The following KATNIP variants were observed in gnomAD, a reference collection of about 807,000 sequenced individuals.
KATNIP encodes the protein katanin-interacting protein.
KATNIP carries 126 observed loss-of-function variants against 174.0 expected under a neutral mutation model. The observed-to-expected ratio is 0.72, with a 90% CI of 0.63 to 0.84. The LOEUF (loss-of-function observed/expected upper bound fraction) is 0.84. Ranked by LOEUF, KATNIP falls within the 40% of genes least tolerant of loss-of-function variation. The pLI is 0.00. For synonymous variants in KATNIP, 810 were observed against 835.7 expected (o/e 0.97, Z 0.53); for missense variants, 1,958 against 2,109.7 (o/e 0.93, Z 1.41).
intron 13 of KATNIP, among the ~76,000 whole-genome samples, chr16:27,721,325 G>A (rs1449940435): frequency 2.6e-5 from 4 of 152,150 alleles, no homozygotes; most frequent in African/African-American, 7.2e-5. Context: ...AGGGGTCCGT[G>A]TGGCAGCTTT....
intron 15 of KATNIP, among the ~76,000 whole-genome samples, chr16:27,743,355 A>G (rs2081175176): frequency 6.6e-6 from 1 of 152,062 alleles, no homozygotes; most frequent in Admixed American, 6.5e-5. Flanking sequence ...TAGCAGATAT[A>G]CCCCTGACAT....
chr16:27,588,879 T>A (rs2091002173), intron 2 of KATNIP, among the ~76,000 whole-genome samples: 2 of 4,248 alleles, frequency 4.7e-4, no homozygotes, highest in African/African-American at 1.3e-3. Context: ...AACTCTATTC[T>A]TTTTTTTTTT....
chr16:27,613,427 G>C (rs1254640835), intron 2 of KATNIP, among the ~76,000 whole-genome samples: 2 of 152,212 alleles, frequency 1.3e-5, no homozygotes, highest in Admixed American at 6.5e-5. Context: ...GCATTCCCTG[G>C]AGAGTTTGAG....
chr16:27,681,735 T>C (rs2078350603), intron 8 of KATNIP, among the ~76,000 whole-genome samples: 1 of 152,190 alleles, frequency 6.6e-6, no homozygotes, highest in African/African-American at 2.4e-5. Flanking sequence ...GGATAAGGAA[T>C]TGGCTCATGC....
At position 27,633,988 on chromosome 16, in the gene KATNIP, C is replaced by A. The variant is rs533231251; in HGVS notation, c.408+2826C>A. ...CACAGCCTGGAGGCCTCCTTTTGTC[C>A]CCTGCAATGAATATTAATTTGTTGC... is the stretch of plus-strand genomic sequence containing the variant. On this transcript the variant is annotated intron_variant, in intron 5 of 27. Transcript: ENST00000261588. Among the ~76,000 whole-genome samples, 4 of 152,292 alleles carry A rather than the reference C, an allele frequency of 2.6e-5. No homozygotes were observed. In the East Asian group the frequency reaches 7.7e-4, roughly 29 times the overall value.
chr16:27,712,843 T>C (rs1236310700), intron 13 of KATNIP, among the ~76,000 whole-genome samples: 2 of 152,162 alleles, frequency 1.3e-5, no homozygotes, highest in African/African-American at 4.8e-5. Context: ...TCTTGCTCTG[T>C]TGCCCAGGCT....
intron 3 of KATNIP, among the ~76,000 whole-genome samples, chr16:27,619,267 A>G (rs897653315): frequency 2.0e-5 from 3 of 152,196 alleles, no homozygotes; most frequent in African/African-American, 7.2e-5. Flanking sequence ...GTGAGACCAC[A>G]GTTCCCCCAG....
At chr16:27,628,926 G>A in intron 4 of KATNIP, 96 bp downstream of exon 4, 1 of 1,279,730 alleles carries the variant, frequency 7.8e-7, no homozygotes, top group South Asian at 1.3e-5. Flanking sequence ...ACATCACTTT[G>A]GGAGGCTGAG....
At chr16:27,748,144 C>A (rs148342704) in intron 15 of KATNIP, among the ~76,000 whole-genome samples, 1 of 152,150 alleles carries the variant, frequency 6.6e-6, no homozygotes, top group East Asian at 1.9e-4. Flanking sequence ...GTGTGCACGC[C>A]GTGGCTCTCA....
At chr16:27,655,855 T>A (rs233471) in intron 6 of KATNIP, among the ~76,000 whole-genome samples, 1 of 152,048 alleles carries the variant, frequency 6.6e-6, no homozygotes, top group Admixed American at 6.6e-5. Context: ...ATTGCACTCA[T>A]CTGGTTTTGC....
rs117516198 is a variant in KATNIP, at chr16:27,558,949, G to A, written c.7+8772G>A. On this transcript the variant is annotated intron_variant, in intron 1 of 27. Transcript: ENST00000261588. ...ATTTCAGCCTTGTTACTGCCAGTGT[G>A]TGGCCAGGTTCTCACACCTGGAGAG... Among the ~76,000 whole-genome samples, 36 of 152,324 alleles carry A rather than the reference G, an allele frequency of 2.4e-4. No homozygotes were observed. The East Asian group carries it at 6.7e-3, about 29-fold the overall frequency.
chr16:27,688,454 G>T (rs2078599289), intron 8 of KATNIP, among the ~76,000 whole-genome samples: 1 of 152,124 alleles, frequency 6.6e-6, no homozygotes, highest in Non-Finnish European at 1.5e-5. Flanking sequence ...AGCCGGACAT[G>T]GTGGCGGTCA....
At chr16:27,771,428 G>A (rs1334736747) in intron 21 of KATNIP, among the ~76,000 whole-genome samples, 160 bp from the exon 22 acceptor site, 1 of 152,160 alleles carries the variant, frequency 6.6e-6, no homozygotes, top group Non-Finnish European at 1.5e-5. Flanking sequence ...TCTAGAGCGG[G>A]AACTCCACAC....
At chr16:27,603,917 A>G (rs1455549258) in intron 2 of KATNIP, among the ~76,000 whole-genome samples, 1 of 149,614 alleles carries the variant, frequency 6.7e-6, no homozygotes, top group Non-Finnish European at 1.5e-5. Context: ...TTGTATTTTT[A>G]GTAGAGACTG....
chr16:27,627,175 C>A (rs555658223), intron 3 of KATNIP, among the ~76,000 whole-genome samples: 69 of 152,326 alleles, frequency 4.5e-4, no homozygotes, highest in African/African-American at 1.5e-3. Flanking sequence ...CCGATACACA[C>A]GTTCCCAGCT....
chr16:27,646,864 A>C (rs1485396483), intron 5 of KATNIP, among the ~76,000 whole-genome samples: 1 of 152,174 alleles, frequency 6.6e-6, no homozygotes, highest in Non-Finnish European at 1.5e-5. Context: ...TACTCTGACC[A>C]TCCTCCAGAT....
At chr16:27,616,465 C>T (rs899403030) in intron 2 of KATNIP, among the ~76,000 whole-genome samples, 5 of 152,160 alleles carry the variant, frequency 3.3e-5, no homozygotes, top group African/African-American at 1.2e-4. Flanking sequence ...GTGGCTCACA[C>T]TTGTAATCCC....
At chr16:27,734,105 CAG>C (rs1053293002) in intron 14 of KATNIP, among the ~76,000 whole-genome samples, 2 of 151,806 alleles carry the variant, frequency 1.3e-5, no homozygotes. Context: ...TTTTTTGAGA[CAG>C]AGTTTCCCTC....
At chr16:27,633,518 C>A (rs1231277556) in intron 5 of KATNIP, among the ~76,000 whole-genome samples, 2 of 150,834 alleles carry the variant, frequency 1.3e-5, no homozygotes, top group African/African-American at 4.9e-5. Flanking sequence ...TCTTGAACTT[C>A]TGGCCTCAAG....
Sources: gnomAD v4.1 joint callset for allele counts (sites outside exome capture counted in the v4.1 genomes callset) on GRCh38, gnomAD v4.1.1 for gene constraint, MANE v1.5 for transcripts, NCBI Gene and HGNC (gene_info 2026-07-23, HGNC 2026-07-21) for gene names.